The following WDR7 variants were observed in gnomAD, a reference collection of about 807,000 sequenced individuals.
WDR7 encodes WD repeat-containing protein 7.
A neutral mutation model predicts 169.4 loss-of-function variants in WDR7; 46 were observed. That is an observed-to-expected ratio of 0.27 (90% confidence interval 0.21 to 0.35). The LOEUF (loss-of-function observed/expected upper bound fraction) is 0.35. Ranked by LOEUF, WDR7 falls within the 10% of genes least tolerant of loss-of-function variation. The pLI, the probability that WDR7 is intolerant of heterozygous loss-of-function variation, is 1.00. For synonymous variants in WDR7, 612 were observed against 666.8 expected (o/e 0.92, Z 1.27); for missense variants, 1,534 against 1,859.3 (o/e 0.83, Z 3.22).
At chr18:56,702,317 C>T (rs1170115424) in intron 12 of WDR7, among the ~76,000 whole-genome samples, 3 of 152,116 alleles carry the variant, frequency 2.0e-5, no homozygotes, top group African/African-American at 7.2e-5. Context: ...GTCCAAGATC[C>T]AGGCACTTTT....
At chr18:56,856,139 A>G (rs1401144070) in intron 20 of WDR7, among the ~76,000 whole-genome samples, 1 of 152,204 alleles carries the variant, frequency 6.6e-6, no homozygotes, top group African/African-American at 2.4e-5. Context: ...CTTTAGAACA[A>G]TCACAGTGCA....
At chr18:56,816,354 T>C (rs1341889182) in intron 20 of WDR7, among the ~76,000 whole-genome samples, 2 of 152,226 alleles carry the variant, frequency 1.3e-5, no homozygotes, top group Non-Finnish European at 2.9e-5. Context: ...GTTTGCTCAT[T>C]GTAGTTCTAA....
chr18:56,936,021 G>T, intron 23 of WDR7, 116 bp downstream of exon 23: 1 of 982,908 alleles, frequency 1.0e-6, no homozygotes, highest in Non-Finnish European at 1.5e-6. Flanking sequence ...AACAATGCAA[G>T]TTAATAATTT....
At position 57,023,508 on chromosome 18, in the gene WDR7, G is replaced by A. The variant is rs142720336; in HGVS notation, c.4269+2659G>A. Among the ~76,000 whole-genome samples, 186 of 152,276 alleles carry A rather than the reference G, an allele frequency of 1.2e-3. No individual in the cohort carries two copies. In the East Asian group the frequency reaches 0.029, roughly 24 times the overall value. On this transcript the variant is annotated intron_variant, in intron 27 of 27. Transcript: ENST00000254442. ...TGGGAATAGCATTAAAACATTTCCT[G>A]TTGTGATGAATTATAGCTGTGTTTC...
At chr18:56,963,718 A>G (rs1053142171) in intron 26 of WDR7, among the ~76,000 whole-genome samples, 1 of 152,166 alleles carries the variant, frequency 6.6e-6, no homozygotes, top group African/African-American at 2.4e-5. Context: ...ACTCCCCACC[A>G]TATTCTTCTA....
chr18:56,990,063 G>A (rs1314814656), intron 26 of WDR7, among the ~76,000 whole-genome samples: 1 of 151,938 alleles, frequency 6.6e-6, no homozygotes, highest in Non-Finnish European at 1.5e-5. Context: ...ATTAATTTTG[G>A]TTTTTAAAAA....
chr18:56,663,595 A>G (rs1173216752), intron 1 of WDR7, among the ~76,000 whole-genome samples: 1 of 147,262 alleles, frequency 6.8e-6, no homozygotes, highest in Non-Finnish European at 1.5e-5. Flanking sequence ...CTTTTTAAAA[A>G]CACACATATA....
At chr18:56,839,479 G>A (rs528297457) in intron 20 of WDR7, among the ~76,000 whole-genome samples, 67 of 152,160 alleles carry the variant, frequency 4.4e-4, no homozygotes, top group African/African-American at 1.5e-3. Context: ...ACTCAACTAT[G>A]ACTCGTCTAT....
chr18:56,708,554 G>A (rs1415690869), intron 12 of WDR7, among the ~76,000 whole-genome samples: 7 of 152,176 alleles, frequency 4.6e-5, no homozygotes, highest in African/African-American at 1.7e-4. Context: ...TGCAGCCCAA[G>A]GTTTGTGGGC....
At chr18:56,885,272 C>G (rs997965643) in intron 21 of WDR7, among the ~76,000 whole-genome samples, 3 of 151,908 alleles carry the variant, frequency 2.0e-5, no homozygotes, top group African/African-American at 7.3e-5. Context: ...GCAATGGATC[C>G]AAACCAAGAA....
intron 21 of WDR7, among the ~76,000 whole-genome samples, chr18:56,914,989 AACT>A (rs2046605687): frequency 6.6e-6 from 1 of 152,204 alleles, no homozygotes; most frequent in Non-Finnish European, 1.5e-5. Flanking sequence ...GGAAATAGCT[AACT>A]ACTTTGAAGA....
At chr18:56,727,184 C>G (rs1234509896) in intron 13 of WDR7, among the ~76,000 whole-genome samples, 1 of 152,088 alleles carries the variant, frequency 6.6e-6, no homozygotes, top group Non-Finnish European at 1.5e-5. Flanking sequence ...ATTTTTTTCC[C>G]AATTATTTTA....
intron 16 of WDR7, among the ~76,000 whole-genome samples, chr18:56,766,206 A>C (rs1213292390): frequency 6.6e-6 from 1 of 152,052 alleles, no homozygotes; most frequent in African/African-American, 2.4e-5. Flanking sequence ...TTTTCCGTTT[A>C]TCACTGGTTT....
chr18:56,803,424 A>T (rs1369245516), intron 19 of WDR7, among the ~76,000 whole-genome samples: 1 of 152,230 alleles, frequency 6.6e-6, no homozygotes, highest in African/African-American at 2.4e-5. Flanking sequence ...ATTTGAAAAT[A>T]ACATTTTTTG....
intron 19 of WDR7, among the ~76,000 whole-genome samples, chr18:56,783,162 T>TTA (rs1555690847): frequency 2.0e-5 from 3 of 148,530 alleles, no homozygotes; most frequent in African/African-American, 4.9e-5. Flanking sequence ...CAAATTAAGT[T>TTA]AAAAAAAAAA....
At chr18:56,882,987 C>A (rs2046131665) in intron 21 of WDR7, among the ~76,000 whole-genome samples, 1 of 152,090 alleles carries the variant, frequency 6.6e-6, no homozygotes, top group South Asian at 2.1e-4. Flanking sequence ...CTTTGGGAGG[C>A]CGAGGTGGGT....
chr18:56,764,327 T>C (rs2044028054), intron 16 of WDR7, among the ~76,000 whole-genome samples: 1 of 152,182 alleles, frequency 6.6e-6, no homozygotes, highest in Admixed American at 6.5e-5. Flanking sequence ...CTAGGATCTG[T>C]CTGTTACTGG....
chr18:56,964,161 G>A (rs1314960030), intron 26 of WDR7, among the ~76,000 whole-genome samples: 1 of 135,892 alleles, frequency 7.4e-6, no homozygotes, highest in Non-Finnish European at 1.5e-5. Flanking sequence ...GTATATTTCT[G>A]TATTTTTCTT....
chr18:56,777,543 T>C (rs1599035645), intron 17 of WDR7, among the ~76,000 whole-genome samples: 1 of 152,178 alleles, frequency 6.6e-6, no homozygotes, highest in South Asian at 2.1e-4. Context: ...CCATAAGACC[T>C]ATCTAGGATT....
Sources: allele counts gnomAD v4.1 joint callset (sites outside exome capture counted in the v4.1 genomes callset), GRCh38; gene constraint gnomAD v4.1.1; transcripts MANE v1.5; gene names NCBI Gene and HGNC (gene_info 2026-07-23, HGNC 2026-07-21).